Variants in TCF12 observed in about 807,000 individuals in gnomAD.
TCF12 encodes the protein DNA-binding protein HTF4.
TCF12 carries 45 observed loss-of-function variants against 86.0 expected under a neutral mutation model. The observed-to-expected ratio is 0.52, with a 90% confidence interval of 0.41 to 0.67. TCF12 has a LOEUF of 0.67. Ranked by LOEUF, TCF12 falls within the 30% of genes least tolerant of loss-of-function variation. The pLI is 0.00. For synonymous variants in TCF12, 330 were observed against 299.6 expected (o/e 1.10, Z -1.05); for missense variants, 881 against 859.9 (o/e 1.02, Z -0.31).
At chr15:57,166,803 A>G (rs1283408387) in intron 6 of TCF12, among the ~76,000 whole-genome samples, 2 of 152,342 alleles carry the variant, frequency 1.3e-5, no homozygotes, top group Non-Finnish European at 2.9e-5. Flanking sequence ...ATTGATCTGC[A>G]TAGCTTAAAT....
At chr15:57,045,271 C>T (rs984096428) in intron 3 of TCF12, among the ~76,000 whole-genome samples, 5 of 152,138 alleles carry the variant, frequency 3.3e-5, no homozygotes, top group African/African-American at 1.2e-4. Context: ...TCAAGACAAA[C>T]GATTTGAACT....
At chr15:56,992,936 T>C (rs2063523949) in intron 3 of TCF12, among the ~76,000 whole-genome samples, 1 of 152,176 alleles carries the variant, frequency 6.6e-6, no homozygotes, top group Non-Finnish European at 1.5e-5. Flanking sequence ...GTATGATGGA[T>C]TAACCACATG....
rs574488629 is a variant in TCF12 at position 57,082,094 on chromosome 15, A to G, written c.223-9695A>G. Among the ~76,000 whole-genome samples, 4 of 152,332 alleles carry G rather than the reference A, an allele frequency of 2.6e-5. No individual in the cohort carries two copies. The South Asian group carries it at 8.3e-4, about 32-fold the overall frequency. Reference sequence around the variant, plus strand: ...TTTTAATTGGAACTTACCCTTAAAGATGATTGGCTTTAGTCATGGGGCAGG... The same window carrying G: ...TTTTAATTGGAACTTACCCTTAAAGGTGATTGGCTTTAGTCATGGGGCAGG... On this transcript the variant is annotated intron_variant, in intron 4 of 20. Transcript: ENST00000333725.
At chr15:57,250,734 A>G (rs1245588707) in intron 13 of TCF12, among the ~76,000 whole-genome samples, 1 of 151,726 alleles carries the variant, frequency 6.6e-6, no homozygotes, top group East Asian at 1.9e-4. Flanking sequence ...ATCTCAAAAA[A>G]AAAAGAAAAA....
intron 12 of TCF12, among the ~76,000 whole-genome samples, chr15:57,240,431 T>G (rs1374260326): frequency 2.6e-5 from 4 of 152,178 alleles, no homozygotes; most frequent in Non-Finnish European, 4.4e-5. Context: ...AACTGACGAT[T>G]TCTCACTCAT....
chr15:56,977,153 C>T (rs748887906), intron 3 of TCF12, among the ~76,000 whole-genome samples: 21 of 152,056 alleles, frequency 1.4e-4, no homozygotes, highest in African/African-American at 3.1e-4. Flanking sequence ...TGTTCCCTGA[C>T]GCTTTTGGAG....
chr15:56,932,081 C>T (rs1159777481), intron 3 of TCF12, among the ~76,000 whole-genome samples: 3 of 152,012 alleles, frequency 2.0e-5, no homozygotes, highest in Non-Finnish European at 1.5e-5. Context: ...CGAGCAGACT[C>T]TATTCTCACT....
In TCF12 at chr15:57,254,730, C is replaced by T. The variant is rs535616041; in HGVS notation, c.1467+1262C>T. Among the ~76,000 whole-genome samples, 9 of 151,800 alleles carry T rather than the reference C, an allele frequency of 5.9e-5. No homozygotes were observed. In the South Asian group the frequency reaches 1.7e-3, roughly 28 times the overall value. Reference sequence around the variant, plus strand: ...AAAATTAGTCTGGCACAGTGGCATGCGCCTGTGGTCCCAGCTACATGGAAG... The same window carrying T: ...AAAATTAGTCTGGCACAGTGGCATGTGCCTGTGGTCCCAGCTACATGGAAG... On this transcript the variant is annotated intron_variant, in intron 16 of 20. Transcript: ENST00000333725.
At chr15:57,261,992 G>C (rs1417007863) in intron 16 of TCF12, 102 bp from the exon 17 acceptor site, 19 of 677,728 alleles carry the variant, frequency 2.8e-5, no homozygotes, top group Non-Finnish European at 4.4e-5. Flanking sequence ...AATCAGATGA[G>C]TGACACTGTT....
intron 3 of TCF12, among the ~76,000 whole-genome samples, chr15:56,978,287 A>G (rs1303450727): frequency 6.6e-6 from 1 of 152,246 alleles, no homozygotes; most frequent in Non-Finnish European, 1.5e-5. Context: ...AATACATAAT[A>G]TAAAGAAAAA....
intron 4 of TCF12, among the ~76,000 whole-genome samples, chr15:57,086,209 G>GATAATA (rs1404728992): frequency 6.5e-3 from 256 of 39,354 alleles, no homozygotes; most frequent in African/African-American, 0.021. Flanking sequence ...CTTGGATGAT[G>GATAATA]ATGATAATAA....
chr15:57,014,781 T>A (rs1385613086), intron 3 of TCF12, among the ~76,000 whole-genome samples: 2 of 152,012 alleles, frequency 1.3e-5, no homozygotes, highest in African/African-American at 2.4e-5. Flanking sequence ...ATTTGGTGAA[T>A]ATACAGATAA....
Position 57,223,661 on chromosome 15 carries a change from T to TTTTTTTTTTTA in TCF12, c.580-7490_580-7480dup, listed in dbSNP as rs1555400273. 2.5e-3 allele frequency among the ~76,000 whole-genome samples: 362 copies of TTTTTTTTTTTA among 142,598 alleles called. 13 individuals are homozygous for TTTTTTTTTTTA. The highest frequency in any genetic ancestry group is 4.6e-3 in the Non-Finnish European group (298 of 64,302). 93.5% of individuals were successfully genotyped at this position (142,598 alleles called of 152,430 possible). ...CAATGAGGTTTTTTTTTTTTTTTTT[T>TTTTTTTTTTTA]TTTTTTTTTTAGAAATAGAGTAGCA... On this transcript the variant is annotated intron_variant, in intron 8 of 20. Coordinates refer to ENST00000333725, the MANE Select transcript of TCF12 (RefSeq NM_207037.2).
Position 57,263,276 on chromosome 15 carries a change from T to C in TCF12, c.1745+2T>C. 6.2e-7 allele frequency: 1 copy of C among 1,601,452 alleles called. No homozygotes were observed. Among genetic ancestry groups the C allele is most frequent in the Non-Finnish European group, 8.5e-7 (1 of 1,177,390 alleles). ...GGTTTCATCTAGAGGCAGAACAAGG[T>C]ATTTGTTAGCATCCAGGTTTTAAAT... is the stretch of plus-strand genomic sequence containing the variant. On this transcript the variant is annotated splice_donor_variant, in intron 18 of 20. Transcript: ENST00000333725. LOFTEE classifies it high-confidence loss of function.
intron 5 of TCF12, among the ~76,000 whole-genome samples, chr15:57,117,221 T>G (rs1216898445): frequency 6.6e-6 from 1 of 152,084 alleles, no homozygotes; most frequent in Non-Finnish European, 1.5e-5. Flanking sequence ...TTTTGTTTTG[T>G]TTTTGGTCAA....
At chr15:57,261,308 A>G (rs566264293) in intron 16 of TCF12, among the ~76,000 whole-genome samples, 1 of 152,310 alleles carries the variant, frequency 6.6e-6, no homozygotes, top group East Asian at 1.9e-4. Context: ...AATTAGATCT[A>G]CTACCAAATG....
intron 5 of TCF12, among the ~76,000 whole-genome samples, chr15:57,106,129 A>G (rs1358678461): frequency 6.6e-6 from 1 of 152,248 alleles, no homozygotes; most frequent in Non-Finnish European, 1.5e-5. Context: ...AAAAAAGCTA[A>G]GTGCAGAGAA....
intron 13 of TCF12, among the ~76,000 whole-genome samples, chr15:57,249,534 C>A (rs2060013049): frequency 6.6e-6 from 1 of 152,000 alleles, no homozygotes; most frequent in Non-Finnish European, 1.5e-5. Context: ...TATGAAGAAT[C>A]TGTATCCAAC....
intron 3 of TCF12, among the ~76,000 whole-genome samples, chr15:57,053,365 C>T (rs905610107): frequency 1.3e-5 from 2 of 152,106 alleles, no homozygotes; most frequent in African/African-American, 4.8e-5. Flanking sequence ...GTATGTTGGA[C>T]GTTAACCCCT....
Sources: allele counts gnomAD v4.1 joint callset (sites outside exome capture counted in the v4.1 genomes callset), GRCh38; gene constraint gnomAD v4.1.1; transcripts MANE v1.5; gene names NCBI Gene and HGNC (gene_info 2026-07-23, HGNC 2026-07-21).